The following RAB8B variants were observed in gnomAD, a reference collection of about 807,000 sequenced individuals.
RAB8B encodes ras-related protein Rab-8B.
RAB8B carries 11 observed loss-of-function variants against 32.0 expected under a neutral mutation model. The ratio of observed to expected loss-of-function variants is 0.34; its 90% CI spans 0.22 to 0.57. RAB8B has a LOEUF of 0.57. RAB8B is among the 20% of genes least tolerant of loss of function. The probability of loss-of-function intolerance (pLI) is 0.86; values close to 1 mark genes in which losing one functional copy is unlikely to be tolerated. For synonymous variants in RAB8B, 103 were observed against 89.6 expected (o/e 1.15, Z -0.85); for missense variants, 190 against 258.5 (o/e 0.73, Z 1.82).
intron 2 of RAB8B, among the ~76,000 whole-genome samples, chr15:63,246,354 C>T (rs2038072123): frequency 6.6e-6 from 1 of 152,172 alleles, no homozygotes; most frequent in Admixed American, 6.5e-5. Flanking sequence ...AGGTTGTCAC[C>T]TCTACTTCTG....
rs763767278 is a variant in RAB8B, at chr15:63,189,630, G to C, written c.6G>C (p.Ala2=). Residue 2 remains alanine, a synonymous_variant, in exon 1 of 8, where the codon GCG becomes GCC. Transcript: ENST00000321437. ...CAGAGGGCCGGAGCGAGAAGATGGC[G>C]AAGACGTACGATTATCTCTTCAAGC... is the stretch of plus-strand genomic sequence containing the variant. The part of the protein sequence containing the change: M[A]KTYDYLFKLL... 7 of 1,613,636 alleles carry C rather than the reference G, an allele frequency of 4.3e-6. No individual in the cohort carries two copies. The highest frequency in any genetic ancestry group is 2.2e-5 in the East Asian group (1 of 44,838).
chr15:63,223,064 G>A (rs565710880), intron 1 of RAB8B: 16 of 455,718 alleles, frequency 3.5e-5, no homozygotes, highest in African/African-American at 4.0e-5. Context: ...TCCTGTAAGC[G>A]CCTTTCATGG....
At chr15:63,238,886 A>G (rs932441800) in intron 1 of RAB8B, among the ~76,000 whole-genome samples, 1 of 152,224 alleles carries the variant, frequency 6.6e-6, no homozygotes, top group African/African-American at 2.4e-5. Context: ...TCCCATGGTT[A>G]TAAGTCCAGA....
chr15:63,191,035 T>C (rs2037552078), intron 1 of RAB8B, among the ~76,000 whole-genome samples: 1 of 152,256 alleles, frequency 6.6e-6, no homozygotes, highest in Admixed American at 6.5e-5. Flanking sequence ...AAGCTGGTTT[T>C]AAGCTGTTTT....
intron 6 of RAB8B, among the ~76,000 whole-genome samples, chr15:63,260,439 C>T (rs572905196): frequency 6.6e-6 from 1 of 152,244 alleles, no homozygotes; most frequent in African/African-American, 2.4e-5. Context: ...AGATTAAGCA[C>T]AATAAATTGT....
At chr15:63,211,090 A>C (rs1378004752) in intron 1 of RAB8B, among the ~76,000 whole-genome samples, 4 of 152,222 alleles carry the variant, frequency 2.6e-5, no homozygotes, top group African/African-American at 9.6e-5. Context: ...TTGGGGAAGG[A>C]TCCTATGGTT....
At chr15:63,196,875 T>C (rs1458318042) in intron 1 of RAB8B, among the ~76,000 whole-genome samples, 1 of 152,222 alleles carries the variant, frequency 6.6e-6, no homozygotes, top group Non-Finnish European at 1.5e-5. Context: ...CATAATAAGC[T>C]GTTTTAACAC....
intron 1 of RAB8B, among the ~76,000 whole-genome samples, chr15:63,219,972 C>T (rs1053325246): frequency 3.9e-5 from 6 of 152,136 alleles, no homozygotes; most frequent in African/African-American, 9.7e-5. Context: ...TCCCACACAA[C>T]GTAGAGACAT....
chr15:63,233,062 T>TTTTTTTG (rs2037948992), intron 1 of RAB8B, among the ~76,000 whole-genome samples: 2 of 150,114 alleles, frequency 1.3e-5, no homozygotes, highest in African/African-American at 4.9e-5. Context: ...ATTCTTTTTT[T>TTTTTTTG]TTTTCTTTTT....
chr15:63,209,247 G>A (rs1339406900), intron 1 of RAB8B, among the ~76,000 whole-genome samples: 1 of 151,674 alleles, frequency 6.6e-6, no homozygotes, highest in Non-Finnish European at 1.5e-5. Flanking sequence ...TACCTATTTG[G>A]TGCTTGAAAA....
chr15:63,249,460 G>T (rs1450500123), intron 2 of RAB8B, among the ~76,000 whole-genome samples, 185 bp from the exon 3 acceptor site: 2 of 152,032 alleles, frequency 1.3e-5, no homozygotes. Flanking sequence ...CTCTTGACAG[G>T]CTCCTGTGGC....
At chr15:63,210,863 A>T (rs2037741187) in intron 1 of RAB8B, among the ~76,000 whole-genome samples, 1 of 152,166 alleles carries the variant, frequency 6.6e-6, no homozygotes, top group Non-Finnish European at 1.5e-5. Flanking sequence ...TTGTCTTCTG[A>T]AGAGAACAAA....
chr15:63,246,092 T>G (rs1469191629), intron 2 of RAB8B, among the ~76,000 whole-genome samples: 2 of 152,164 alleles, frequency 1.3e-5, no homozygotes, highest in East Asian at 3.9e-4. Flanking sequence ...CAGCTGGTCT[T>G]GAACTCCTGA....
At chr15:63,195,343 A>G (rs2037591562) in intron 1 of RAB8B, among the ~76,000 whole-genome samples, 1 of 152,214 alleles carries the variant, frequency 6.6e-6, no homozygotes, top group Admixed American at 6.5e-5. Flanking sequence ...CTTCCTACAT[A>G]TAAAGGATGG....
chr15:63,230,626 A>G (rs2037928958), intron 1 of RAB8B, among the ~76,000 whole-genome samples: 1 of 152,122 alleles, frequency 6.6e-6, no homozygotes, highest in African/African-American at 2.4e-5. Context: ...ATTTAGAGAA[A>G]AGTCAGTGGG....
In RAB8B at chr15:63,193,814, AAAC is replaced by A. The variant is rs112905643; in HGVS notation, c.124+4083_124+4085del. Among the ~76,000 whole-genome samples the A allele has an allele frequency of 5.4e-3, 816 of 151,742 alleles. 8 individuals are homozygous for A. The highest frequency in any genetic ancestry group is 0.018 in the African/African-American group (752 of 41,334). On this transcript the variant is annotated intron_variant, in intron 1 of 7. Transcript: ENST00000321437. ...CGACAGAGCAAGACTCCATCTCAAA[AAAC>A]AACAACAACAACAACATCAAAAACA...
At chr15:63,224,758 G>A (rs1366440210) in intron 1 of RAB8B, among the ~76,000 whole-genome samples, 1 of 152,054 alleles carries the variant, frequency 6.6e-6, no homozygotes, top group African/African-American at 2.4e-5. Context: ...CTGGAGTTAG[G>A]TTCAACTTTA....
At chr15:63,243,629 A>T (rs2038049283) in intron 1 of RAB8B, among the ~76,000 whole-genome samples, 1 of 152,138 alleles carries the variant, frequency 6.6e-6, no homozygotes, top group Admixed American at 6.6e-5. Flanking sequence ...CATCTGGGAA[A>T]CTTTAAAAAT....
intron 1 of RAB8B, among the ~76,000 whole-genome samples, chr15:63,214,930 C>T (rs1232599363): frequency 2.0e-5 from 3 of 152,174 alleles, no homozygotes; most frequent in Admixed American, 6.5e-5. Context: ...TTGAGTAGGG[C>T]ATCTACAGCT....
Sources: gnomAD v4.1 joint callset for allele counts (sites outside exome capture counted in the v4.1 genomes callset) on GRCh38, gnomAD v4.1.1 for gene constraint, MANE v1.5 for transcripts, NCBI Gene and HGNC (gene_info 2026-07-23, HGNC 2026-07-21) for gene names.